HIPK1: variants seen among roughly 807,000 people sequenced by gnomAD.
The protein encoded by HIPK1 is homeodomain interacting protein kinase 1.
In HIPK1, 28 loss-of-function variants were observed where a neutral mutation model predicts 117.1. The ratio of observed to expected loss-of-function variants is 0.24; its 90% CI spans 0.18 to 0.33. The LOEUF (loss-of-function observed/expected upper bound fraction) is 0.33, where lower values mean the gene tolerates loss of function less well. HIPK1 is among the 10% of genes least tolerant of loss of function. HIPK1 has a pLI of 1.00. For synonymous variants in HIPK1, 605 were observed against 562.5 expected (o/e 1.08, Z -1.07); for missense variants, 1,122 against 1,475.1 (o/e 0.76, Z 3.92).
chr1:113,967,858 T>C lies in HIPK1; in HGVS notation c.2474T>C (p.Leu825Pro). 6.2e-7 allele frequency: 1 copy of C among 1,612,464 alleles called. No homozygotes were observed. The highest frequency in any genetic ancestry group is 2.2e-5 in the East Asian group (1 of 44,756). Residue 825 changes from leucine (L) to proline (P), a missense_variant, in exon 12 of 16, where the codon CTG (leucine) becomes CCG (proline). Leu to Pro is a moderately conservative substitution (Grantham distance 98, BLOSUM62 -3). Around this residue, in one of 6 missense-constraint regions of HIPK1, gnomAD observed 731 missense variants for 860.4 expected, o/e 0.85. Coordinates refer to ENST00000426820, the MANE Select transcript of HIPK1 (RefSeq NM_198268.3). ...GTGACATTGGCCACTGCTCAGCCTC[T>C]GAATGTTGGTGTTGCCCATGTTGTC... ...NHVTLATAQP[L>P]NVGVAHVVRQ...
At chr1:113,969,846 G>T in intron 13 of HIPK1, 110 bp from the exon 14 acceptor site, 1 of 1,209,240 alleles carries the variant, frequency 8.3e-7, no homozygotes, top group Non-Finnish European at 1.2e-6. Flanking sequence ...GGTTGAGGTC[G>T]CAGCGAGCTG....
chr1:113,936,773 T>C (rs1374139739), intron 1 of HIPK1, among the ~76,000 whole-genome samples: 2 of 152,242 alleles, frequency 1.3e-5, no homozygotes, highest in Non-Finnish European at 2.9e-5. Flanking sequence ...CTTTTCAGTA[T>C]TACTTTATGA....
intron 1 of HIPK1, among the ~76,000 whole-genome samples, chr1:113,930,132 C>T (rs1669763638): frequency 6.6e-6 from 1 of 152,206 alleles, no homozygotes. Flanking sequence ...AGGGGATTGC[C>T]TTCCCAGGAA....
rs1223079813 is a variant in HIPK1, at chr1:113,975,670, G to A, written c.*2158G>A. 6.5e-6 allele frequency: 1 copy of A among 152,762 alleles called. No individual in the cohort carries two copies. Among genetic ancestry groups the A allele is most frequent in the African/African-American group, 2.4e-5 (1 of 41,440 alleles). The allele number at this position is 152,762 out of a possible 1,614,324, so 9.5% of individuals were successfully genotyped here. A position where few individuals can be genotyped will look rare whatever the true frequency, so the allele number is the denominator to read the frequency against. On this transcript the variant is annotated 3_prime_UTR_variant, in exon 16 of 16. Coordinates refer to ENST00000426820, the MANE Select transcript of HIPK1 (RefSeq NM_198268.3). ...CCATGTCCCCATACTATGAGGAGAA[G>A]TTTTGTGGTGCCGCTGGTGACAAGG...
intron 7 of HIPK1, 72 bp downstream of exon 7, chr1:113,957,358 A>C (rs1244306475): frequency 7.9e-7 from 1 of 1,263,690 alleles, no homozygotes; most frequent in Non-Finnish European, 1.1e-6. Flanking sequence ...GGGCAAGGTA[A>C]AGAACCAATT....
At chr1:113,946,929 G>A (rs1030329650) in intron 2 of HIPK1, among the ~76,000 whole-genome samples, 2 of 152,126 alleles carry the variant, frequency 1.3e-5, no homozygotes, top group African/African-American at 4.8e-5. Flanking sequence ...AGTTTTACCC[G>A]CAGTGGTCCT....
intron 1 of HIPK1, among the ~76,000 whole-genome samples, chr1:113,939,906 T>C (rs892058769): frequency 6.6e-6 from 1 of 152,050 alleles, no homozygotes; most frequent in African/African-American, 2.4e-5. Context: ...CTGCTAACTT[T>C]CCTCGGTTCT....
At chr1:113,929,705 G>C in intron 1 of HIPK1, 173 bp downstream of exon 1, 12 of 809,454 alleles carry the variant, frequency 1.5e-5, no homozygotes, top group Non-Finnish European at 1.9e-5. Flanking sequence ...GGAGCGCGCG[G>C]GGCTGAGGCG....
At chr1:113,942,851 C>T (rs1036033563) in intron 2 of HIPK1, among the ~76,000 whole-genome samples, 22 of 151,986 alleles carry the variant, frequency 1.4e-4, no homozygotes, top group Non-Finnish European at 2.5e-4. Flanking sequence ...AATGGCCATA[C>T]ATTAAATACA....
At chr1:113,932,109 A>AAT (rs1669934056) in intron 1 of HIPK1, 2 of 152,244 alleles carry the variant, frequency 1.3e-5, no homozygotes, top group Admixed American at 1.3e-4. Flanking sequence ...CTAAATGCCT[A>AAT]ATATATTCCT....
At chr1:113,949,154 T>C (rs532895127) in intron 2 of HIPK1, among the ~76,000 whole-genome samples, 104 of 152,256 alleles carry the variant, frequency 6.8e-4, no homozygotes, top group Non-Finnish European at 8.8e-4. Flanking sequence ...CGCTACCTTT[T>C]AAAGAAGAAA....
intron 1 of HIPK1, among the ~76,000 whole-genome samples, chr1:113,939,771 T>C (rs1423182883): frequency 1.3e-5 from 2 of 152,076 alleles, no homozygotes; most frequent in Non-Finnish European, 2.9e-5. Context: ...CTATGTCAGA[T>C]GTTTGGACTT....
chr1:113,933,598 C>T (rs1670045781), intron 1 of HIPK1, among the ~76,000 whole-genome samples: 1 of 151,774 alleles, frequency 6.6e-6, no homozygotes, highest in African/African-American at 2.4e-5. Flanking sequence ...AGGCCAGCAT[C>T]GTGGCTCACA....
intron 1 of HIPK1, among the ~76,000 whole-genome samples, chr1:113,936,721 C>G (rs1043119380): frequency 3.9e-5 from 6 of 152,138 alleles, no homozygotes; most frequent in Admixed American, 1.3e-4. Context: ...CCTTGGCCTC[C>G]CAAAATGAAT....
chr1:113,974,902 T>C lies in HIPK1; in HGVS notation c.*1390T>C, dbSNP rs1673057301. On this transcript the variant is annotated 3_prime_UTR_variant, in exon 16 of 16. Coordinates refer to ENST00000426820, the MANE Select transcript of HIPK1 (RefSeq NM_198268.3). ...GTGTGTATGTGATCCTCCAGTGTTA[T>C]CCCGGAGATGGATTGATGTCTCCAT... is the stretch of plus-strand genomic sequence containing the variant. 1 of 152,890 alleles carries C rather than the reference T, an allele frequency of 6.5e-6. No individual in the cohort carries two copies. Among genetic ancestry groups the C allele is most frequent in the Non-Finnish European group, 1.5e-5 (1 of 68,032 alleles). 9.5% of individuals were successfully genotyped at this position (152,890 alleles called of 1,614,324 possible). A position where few individuals can be genotyped will look rare whatever the true frequency, so the allele number is the denominator to read the frequency against.
chr1:113,929,593 G>C, intron 1 of HIPK1, 61 bp downstream of exon 1: 1 of 1,217,240 alleles, frequency 8.2e-7, no homozygotes, highest in Non-Finnish European at 1.1e-6. Flanking sequence ...GCCGGGTTGA[G>C]GGACGGCCGC....
At chr1:113,959,502 G>A (rs1249981196) in intron 8 of HIPK1, among the ~76,000 whole-genome samples, 4 of 152,174 alleles carry the variant, frequency 2.6e-5, no homozygotes, top group Admixed American at 2.0e-4. Context: ...ACAGAGCTTA[G>A]CAGATTAGCC....
At chr1:113,934,989 CAAAAAAAAAAA>C (rs752015521) in intron 1 of HIPK1, among the ~76,000 whole-genome samples, 1 of 67,760 alleles carries the variant, frequency 1.5e-5, no homozygotes, top group Non-Finnish European at 2.8e-5. Context: ...GAACCTGTCT[CAAAAAAAAAAA>C]AAAAAAAAGA....
At chr1:113,964,144 G>T (rs1672304231) in intron 10 of HIPK1, among the ~76,000 whole-genome samples, 1 of 152,046 alleles carries the variant, frequency 6.6e-6, no homozygotes, top group African/African-American at 2.4e-5. Flanking sequence ...TACATTTAAA[G>T]ATATTCCCTT....
Sources: allele counts gnomAD v4.1 joint callset (sites outside exome capture counted in the v4.1 genomes callset), GRCh38; gene constraint gnomAD v4.1.1; regional missense constraint gnomAD v4.1.1; transcripts MANE v1.5; gene names NCBI Gene and HGNC (gene_info 2026-07-23, HGNC 2026-07-21).